Variants in GPR158 observed in about 807,000 individuals in gnomAD.
The protein encoded by GPR158 is G protein-coupled receptor 158, also known as metabotropic glycine receptor.
A neutral mutation model predicts 78.2 loss-of-function variants in GPR158; 30 were observed. That is an observed-to-expected ratio of 0.38 (90% confidence interval 0.29 to 0.52). The LOEUF is 0.52. Ranked by LOEUF, GPR158 falls within the 20% of genes least tolerant of loss-of-function variation. The probability of loss-of-function intolerance (pLI) is 0.83; values close to 1 mark genes in which losing one functional copy is unlikely to be tolerated. For missense variants in GPR158, 1,463 were observed against 1,523.5 expected (o/e 0.96, Z 0.66); for synonymous variants, 581 against 591.1 (o/e 0.98, Z 0.25).
At chr10:25,229,142 A>G (rs1409004352) in intron 2 of GPR158, among the ~76,000 whole-genome samples, 7 of 152,086 alleles carry the variant, frequency 4.6e-5, no homozygotes. Flanking sequence ...AAATCTGTCT[A>G]TCTTATAAAT....
intron 2 of GPR158, among the ~76,000 whole-genome samples, chr10:25,377,057 T>C (rs1172872828): frequency 6.6e-6 from 1 of 151,816 alleles, no homozygotes; most frequent in Non-Finnish European, 1.5e-5. Flanking sequence ...TAGTGCCTCT[T>C]CAATACAAGC....
intron 2 of GPR158, among the ~76,000 whole-genome samples, chr10:25,349,785 T>C (rs77293307): frequency 6.9e-6 from 1 of 144,726 alleles, no homozygotes; most frequent in African/African-American, 2.9e-5. Context: ...AGGGAACATA[T>C]TCACAAGTTT....
At chr10:25,267,411 A>G (rs932495918) in intron 2 of GPR158, among the ~76,000 whole-genome samples, 1 of 152,142 alleles carries the variant, frequency 6.6e-6, no homozygotes, top group Admixed American at 6.5e-5. Flanking sequence ...TTATCACAAG[A>G]AAAGGATGGG....
chr10:25,445,508 A>T (rs975543808), intron 4 of GPR158, among the ~76,000 whole-genome samples: 1 of 152,208 alleles, frequency 6.6e-6, no homozygotes, highest in East Asian at 1.9e-4. Context: ...AGAAAATGAC[A>T]TGGTTACATT....
intron 2 of GPR158, among the ~76,000 whole-genome samples, chr10:25,257,873 C>T (rs924795787): frequency 1.7e-4 from 26 of 152,146 alleles, no homozygotes; most frequent in Admixed American, 3.9e-4. Flanking sequence ...CTTCTCTCTT[C>T]TGTCCATGCG....
At chr10:25,258,285 C>A (rs1351566758) in intron 2 of GPR158, among the ~76,000 whole-genome samples, 2 of 152,190 alleles carry the variant, frequency 1.3e-5, no homozygotes, top group African/African-American at 4.8e-5. Flanking sequence ...ATTTCTCATA[C>A]ACTGAATGTA....
chr10:25,349,360 A>AAGGAAAGC (rs1422184929), intron 2 of GPR158, among the ~76,000 whole-genome samples: 1 of 147,836 alleles, frequency 6.8e-6, no homozygotes, highest in Admixed American at 6.6e-5. Context: ...AAGATCCTTA[A>AAGGAAAGC]CTTAAACACA....
At chr10:25,583,578 A>G (rs895584630) in intron 7 of GPR158, among the ~76,000 whole-genome samples, 1 of 152,200 alleles carries the variant, frequency 6.6e-6, no homozygotes, top group African/African-American at 2.4e-5. Flanking sequence ...TTGATTTAAC[A>G]CTTAGTGATA....
In GPR158 at chr10:25,598,977, C is replaced by T. The variant is rs544868296; in HGVS notation, c.3351C>T (p.Ser1117=). The change falls in exon 11 of 11, where the codon AGC becomes AGT. Residue 1117 remains serine (S), a synonymous_variant. Coordinates refer to ENST00000376351, the MANE Select transcript of GPR158 (RefSeq NM_020752.3). ...PRAANVCAGQ[S]EELPPKAVAS... The stretch of plus-strand genomic sequence containing the variant: ...CAGCCAATGTGTGTGCTGGGCAGAG[C>T]GAAGAACTGCCCCCCAAAGCTGTAG... 1.1e-5 allele frequency: 18 copies of T among 1,613,360 alleles called. No individual in the cohort carries two copies. The East Asian group carries it at 1.6e-4, about 14-fold the overall frequency.
chr10:25,224,185 A>G (rs1853340911), intron 2 of GPR158, among the ~76,000 whole-genome samples: 1 of 152,154 alleles, frequency 6.6e-6, no homozygotes, highest in Admixed American at 6.6e-5. Flanking sequence ...CAGTTTTCAC[A>G]TCCTCTCCTA....
At chr10:25,485,747 A>G (rs1169924089) in intron 5 of GPR158, among the ~76,000 whole-genome samples, 1 of 152,168 alleles carries the variant, frequency 6.6e-6, no homozygotes, top group Non-Finnish European at 1.5e-5. Context: ...TATAGTCTGT[A>G]TGATTTGTCT....
chr10:25,235,707 T>C (rs1853513185), intron 2 of GPR158, among the ~76,000 whole-genome samples: 1 of 149,192 alleles, frequency 6.7e-6, no homozygotes, highest in African/African-American at 2.5e-5. Context: ...TTTTTTTTTT[T>C]TTTTTTTGAG....
At chr10:25,501,267 C>A (rs1478802607) in intron 5 of GPR158, among the ~76,000 whole-genome samples, 1 of 152,128 alleles carries the variant, frequency 6.6e-6, no homozygotes, top group Middle Eastern at 3.2e-3. Context: ...CAGTCTCACT[C>A]GGGGCATGGC....
At chr10:25,357,806 A>G (rs1855574357) in intron 2 of GPR158, among the ~76,000 whole-genome samples, 2 of 151,834 alleles carry the variant, frequency 1.3e-5, no homozygotes, top group African/African-American at 4.9e-5. Context: ...CTACTGGGGC[A>G]CTGCCTAGAG....
intron 5 of GPR158, among the ~76,000 whole-genome samples, chr10:25,534,604 A>C (rs1056177522): frequency 2.7e-4 from 40 of 147,088 alleles, no homozygotes; most frequent in African/African-American, 1.0e-3. Flanking sequence ...AAAAAAAAAA[A>C]TTAGCTGGGT....
chr10:25,449,021 T>C lies in GPR158; in HGVS notation c.1336-17630T>C, dbSNP rs182326392. 2.5e-3 allele frequency among the ~76,000 whole-genome samples: 381 copies of C among 152,302 alleles called. 3 individuals are homozygous for C. Among genetic ancestry groups the C allele is most frequent in the African/African-American group, 8.6e-3 (357 of 41,576 alleles). On this transcript the variant is annotated intron_variant, in intron 4 of 10. Coordinates refer to ENST00000376351, the MANE Select transcript of GPR158 (RefSeq NM_020752.3). Reference sequence around the variant, plus strand: ...GTATGTAAGTTATAATCAGACACTGTTTAGTCATTAAATGCATCCAAAAAC... The same window carrying C: ...GTATGTAAGTTATAATCAGACACTGCTTAGTCATTAAATGCATCCAAAAAC...
intron 2 of GPR158, among the ~76,000 whole-genome samples, chr10:25,268,212 C>G (rs1388979762): frequency 1.3e-5 from 2 of 151,988 alleles, no homozygotes; most frequent in Non-Finnish European, 2.9e-5. Context: ...TACTCGTTAT[C>G]CTATTGATAG....
intron 5 of GPR158, among the ~76,000 whole-genome samples, chr10:25,470,862 T>A (rs1380040130): frequency 2.0e-5 from 3 of 152,182 alleles, no homozygotes; most frequent in Admixed American, 1.3e-4. Flanking sequence ...ATAATCTTTT[T>A]TTTGAACCTC....
In GPR158 at chr10:25,487,881, T is replaced by G. The variant is rs138979247; in HGVS notation, c.1404+21162T>G. ...AGCTGTATACTCCATGAGTTTTCAGTGTAAATTAAATAAACTAACCAATTA... is the reference window on the plus strand; with the variant it reads ...AGCTGTATACTCCATGAGTTTTCAGGGTAAATTAAATAAACTAACCAATTA... On this transcript the variant is annotated intron_variant, in intron 5 of 10. Transcript: ENST00000376351. Among the ~76,000 whole-genome samples the G allele has an allele frequency of 2.9e-3, 449 of 152,224 alleles. 2 individuals carry two copies. Among genetic ancestry groups the G allele is most frequent in the Non-Finnish European group, 4.5e-3 (309 of 67,988 alleles).
Sources: gnomAD v4.1 joint callset for allele counts (sites outside exome capture counted in the v4.1 genomes callset) on GRCh38, gnomAD v4.1.1 for gene constraint, MANE v1.5 for transcripts, NCBI Gene and HGNC (gene_info 2026-07-23, HGNC 2026-07-21) for gene names.